The following SLC26A9 variants were observed in gnomAD, a reference collection of about 807,000 sequenced individuals.
SLC26A9 encodes the protein anion transporter/exchanger protein 9.
In SLC26A9, 46 loss-of-function variants were observed where a neutral mutation model predicts 87.1. The ratio of observed to expected loss-of-function variants is 0.53; its 90% CI spans 0.42 to 0.67. The LOEUF (loss-of-function observed/expected upper bound fraction) is 0.67. SLC26A9 is among the 30% of genes least tolerant of loss of function. SLC26A9 has a pLI of 0.00. For missense variants in SLC26A9, 927 were observed against 1,018.3 expected (o/e 0.91, Z 1.22); for synonymous variants, 437 against 409.1 (o/e 1.07, Z -0.82).
rs1558116823 is a variant in SLC26A9, at chr1:205,915,274, A to T, written c.*83T>A. On this transcript the variant is annotated 3_prime_UTR_variant, in exon 21 of 21. Coordinates refer to ENST00000367135, the MANE Select transcript of SLC26A9 (RefSeq NM_052934.4). ...GGGGATGCACTTTCCTCCGCCCGAC[A>T]CCCCCTGTGACCCCAGGCTCATCCT... 4.4e-6 allele frequency: 7 copies of T among 1,602,684 alleles called. No individual in the cohort carries two copies. The highest frequency in any genetic ancestry group is 1.7e-5 in the Admixed American group (1 of 59,342).
Position 205,914,645 on chromosome 1 carries a change from G to A in SLC26A9, c.*712C>T, listed in dbSNP as rs775792145. 38 of 474,544 alleles carry A rather than the reference G, an allele frequency of 8.0e-5. No homozygotes were observed. Among genetic ancestry groups the A allele is most frequent in the Non-Finnish European group, 1.3e-4 (36 of 268,866 alleles). 29.4% of individuals were successfully genotyped at this position (474,544 alleles called of 1,614,324 possible). ...CAGGAGGCTGAGGCAGAACCTTAGT[G>A]GGCTGTCCCCGGGGAGGTAGCTCTG... On this transcript the variant is annotated 3_prime_UTR_variant, in exon 21 of 21. Transcript: ENST00000367135.
chr1:205,919,544 C>T (rs981086052), intron 18 of SLC26A9, among the ~76,000 whole-genome samples: 1 of 152,120 alleles, frequency 6.6e-6, no homozygotes, highest in African/African-American at 2.4e-5. Context: ...GGGGGTCTGA[C>T]CCAGTGCAGG....
At chr1:205,928,277 T>C in intron 8 of SLC26A9, 1 of 581,442 alleles carries the variant, frequency 1.7e-6, no homozygotes, top group East Asian at 2.9e-5. Context: ...TTGCCCAAGG[T>C]CCCCGGGCCA....
At chr1:205,919,063 C>T in intron 18 of SLC26A9, 78 bp from the exon 19 acceptor site, 1 of 1,576,444 alleles carries the variant, frequency 6.3e-7, no homozygotes, top group Non-Finnish European at 8.7e-7. Context: ...GATAGTGAGA[C>T]CAGAGCAGGG....
rs552851181 is a variant in SLC26A9 at position 205,928,038 on chromosome 1, G to A, written c.965C>T (p.Pro322Leu). Residue 322 changes from proline (P) to leucine (L), a missense_variant, in exon 9 of 21, where the codon CCG (proline) becomes CTG (leucine). Pro to Leu is a moderately conservative substitution (Grantham distance 98). Transcript: ENST00000367135. The stretch of plus-strand genomic sequence containing the variant: ...CCACTGTGAGACCACAGGCGACACC[G>A]GGGTGGGGAACCTGCCGAGGAGCCA... The part of the protein sequence containing the change: ...VGEIQRGFPT[P>L]VSPVVSQWKD... 11 of 1,613,792 alleles carry A rather than the reference G, an allele frequency of 6.8e-6. No individual in the cohort carries two copies. The East Asian group carries it at 1.3e-4, about 20-fold the overall frequency.
chr1:205,927,351 C>A, intron 10 of SLC26A9, 63 bp from the exon 11 acceptor site: 1 of 1,587,078 alleles, frequency 6.3e-7, no homozygotes. Context: ...GATTTACTTC[C>A]AATCCATGGC....
Position 205,914,742 on chromosome 1 carries a change from G to T in SLC26A9, c.*615C>A. The T allele has an allele frequency of 1.0e-6, 1 of 984,940 alleles. No individual in the cohort carries two copies. The highest frequency in any genetic ancestry group is 1.5e-6 in the Non-Finnish European group (1 of 674,848). 61.0% of individuals were successfully genotyped at this position (984,940 alleles called of 1,614,324 possible). On this transcript the variant is annotated 3_prime_UTR_variant, in exon 21 of 21. Transcript: ENST00000367135. The stretch of plus-strand genomic sequence containing the variant: ...CTTGCTGACAGCAGTGGTGGTTTGG[G>T]CAGCCTTGGGGATGATGGAGGGGGG...
intron 1 of SLC26A9, among the ~76,000 whole-genome samples, chr1:205,936,838 C>T (rs1307611433): frequency 2.0e-5 from 3 of 152,112 alleles, no homozygotes; most frequent in African/African-American, 7.2e-5. Flanking sequence ...AGAGATGCCC[C>T]CAACTTCCCA....
At chr1:205,920,727 T>G (rs927707712) in intron 17 of SLC26A9, among the ~76,000 whole-genome samples, 1 of 152,230 alleles carries the variant, frequency 6.6e-6, no homozygotes, top group Non-Finnish European at 1.5e-5. Flanking sequence ...CTTGAACTCC[T>G]GACCTTGTGA....
intron 12 of SLC26A9, 57 bp from the exon 13 acceptor site, chr1:205,924,546 A>C: frequency 6.5e-7 from 1 of 1,535,292 alleles, no homozygotes; most frequent in South Asian, 1.1e-5. Flanking sequence ...TCTTTCAGGA[A>C]GTCTTCCTGG....
intron 16 of SLC26A9, 107 bp from the exon 17 acceptor site, chr1:205,921,954 G>A (rs1243705172): frequency 1.5e-5 from 21 of 1,364,682 alleles, no homozygotes; most frequent in Admixed American, 2.2e-5. Flanking sequence ...GGAATAACTC[G>A]CCTCGGTGAT....
intron 19 of SLC26A9, among the ~76,000 whole-genome samples, chr1:205,918,196 G>A (rs1236858637): frequency 6.6e-6 from 1 of 152,208 alleles, no homozygotes; most frequent in African/African-American, 2.4e-5. Context: ...CAGGAGCTGA[G>A]CTGGGAGGGG....
chr1:205,943,204 T>TCCTCAGAG (rs956118883), intron 1 of SLC26A9, among the ~76,000 whole-genome samples, 161 bp downstream of exon 1: 6 of 152,216 alleles, frequency 3.9e-5, no homozygotes, highest in African/African-American at 1.2e-4. Flanking sequence ...GGGGAAGGGC[T>TCCTCAGAG]GGGAGGCTGC....
At chr1:205,933,493 G>A (rs149795365) in intron 2 of SLC26A9, among the ~76,000 whole-genome samples, 2 of 152,306 alleles carry the variant, frequency 1.3e-5, no homozygotes, top group East Asian at 3.9e-4. Context: ...CATCCTGTGT[G>A]TGCATTCCTT....
chr1:205,940,444 T>C (rs987358000), intron 1 of SLC26A9, among the ~76,000 whole-genome samples: 2 of 151,984 alleles, frequency 1.3e-5, no homozygotes, highest in East Asian at 1.9e-4. Context: ...GCAGAGACAG[T>C]GCCCGAGTGG....
At position 205,915,325 on chromosome 1, in the gene SLC26A9, C is replaced by T. The variant is rs760280392; in HGVS notation, c.*32G>A. 6.2e-7 allele frequency: 1 copy of T among 1,613,926 alleles called. No homozygotes were observed. The highest frequency in any genetic ancestry group is 1.1e-5 in the South Asian group (1 of 91,050). ...TTATGGAAGTCCCAAGTGCCAGGCA[C>T]TCTGTAGGCAGCATGAGGACTGGCT... On this transcript the variant is annotated 3_prime_UTR_variant, in exon 21 of 21. Coordinates refer to ENST00000367135, the MANE Select transcript of SLC26A9 (RefSeq NM_052934.4).
rs1196561376 is a variant in SLC26A9, at chr1:205,918,960, A to G, written c.2136T>C (p.His712=). ...GACTCCCATCCTCAAAGACGCCTCC[A>G]TGGCTAATGTCATTGTACACCTGGG... ...IHAQVYNDIS[H]GGVFEDGSLE... is the part of the protein sequence containing the mutation. Residue 712 remains histidine (H), a synonymous_variant, in exon 19 of 21, where the codon CAT becomes CAC. Coordinates refer to ENST00000367135, the MANE Select transcript of SLC26A9 (RefSeq NM_052934.4). The G allele has an allele frequency of 1.2e-6, 2 of 1,614,210 alleles. No individual in the cohort carries two copies. The highest frequency in any genetic ancestry group is 1.7e-6 in the Non-Finnish European group (2 of 1,180,016).
chr1:205,923,709 G>A, intron 13 of SLC26A9, 96 bp from the exon 14 acceptor site: 1 of 1,353,498 alleles, frequency 7.4e-7, no homozygotes, highest in South Asian at 1.2e-5. Context: ...GCCAAGGTAG[G>A]ATGGGGTCCT....
rs1487440945 is a variant in SLC26A9 at position 205,927,429 on chromosome 1, A to C, written c.1215+63T>G. ...AGAGCTGGCCTGGCTTGCAGTGCCC[A>C]GGCTTTTTTGGGGCAACTGTTCTCT... On this transcript the variant is annotated intron_variant, in intron 10 of 20. Transcript: ENST00000367135. 4 of 1,575,492 alleles carry C rather than the reference A, an allele frequency of 2.5e-6. No individual in the cohort carries two copies. In the East Asian group the frequency reaches 6.7e-5, roughly 27 times the overall value.
Sources: allele counts gnomAD v4.1 joint callset (sites outside exome capture counted in the v4.1 genomes callset), GRCh38; gene constraint gnomAD v4.1.1; transcripts MANE v1.5; gene names NCBI Gene and HGNC (gene_info 2026-07-23, HGNC 2026-07-21).